The following RUFY1 variants were observed in gnomAD, a reference collection of about 807,000 sequenced individuals.
RUFY1 encodes the protein RUN and FYVE domain-containing protein 1.
RUFY1 carries 54 observed loss-of-function variants against 94.6 expected under a neutral mutation model. That is an observed-to-expected ratio of 0.57 (90% CI 0.46 to 0.72). The LOEUF (loss-of-function observed/expected upper bound fraction) is 0.72, where lower values mean the gene tolerates loss of function less well. RUFY1 is among the 30% of genes least tolerant of loss of function. The pLI, the probability that RUFY1 is intolerant of heterozygous loss-of-function variation, is 0.00. For synonymous variants in RUFY1, 396 were observed against 347.3 expected (o/e 1.14, Z -1.56); for missense variants, 883 against 883.9 (o/e 1.00, Z 0.01).
intron 3 of RUFY1, 22 bp downstream of exon 3, chr5:179,562,686 C>A: frequency 8.1e-7 from 1 of 1,227,014 alleles, no homozygotes; most frequent in Non-Finnish European, 1.2e-6. Context: ...GTAGTTCTGC[C>A]AATTTGATGA....
rs1763677382 is a variant in RUFY1 at position 179,577,158 on chromosome 5, A to ATTTT, written c.890+22_890+23insTTTT. 3.1e-5 allele frequency: 12 copies of ATTTT among 392,396 alleles called. 1 individual carries two copies. The highest frequency in any genetic ancestry group is 2.0e-4 in the South Asian group (5 of 25,120). The allele number at this position is 392,396 out of a possible 1,614,324, so 24.3% of individuals were successfully genotyped here. The stretch of plus-strand genomic sequence containing the variant: ...AGGAGTAAGTACTGCGTTGTATGTC[A>ATTTT]CTTTTTTTTTTTTTTTTTTTTTTTT... On this transcript the variant is annotated intron_variant, in intron 6 of 17. Coordinates refer to ENST00000319449, the MANE Select transcript of RUFY1 (RefSeq NM_025158.5).
intron 10 of RUFY1, among the ~76,000 whole-genome samples, chr5:179,592,133 T>C (rs1158717841): frequency 6.6e-6 from 1 of 151,972 alleles, no homozygotes; most frequent in African/African-American, 2.4e-5. Context: ...TTGGTTTTTT[T>C]TTTGAGACGG....
chr5:179,581,416 G>A (rs1312658402), intron 7 of RUFY1, among the ~76,000 whole-genome samples: 2 of 150,330 alleles, frequency 1.3e-5, no homozygotes, highest in African/African-American at 4.9e-5. Flanking sequence ...ATGTACTAGT[G>A]ATCACCGGCA....
intron 6 of RUFY1, among the ~76,000 whole-genome samples, chr5:179,580,076 A>G (rs1419177817): frequency 6.6e-6 from 1 of 152,048 alleles, no homozygotes; most frequent in East Asian, 1.9e-4. Flanking sequence ...ACTGTGGTAT[A>G]TTTTGCAGAC....
At chr5:179,579,773 C>G (rs955482101) in intron 6 of RUFY1, among the ~76,000 whole-genome samples, 1 of 145,378 alleles carries the variant, frequency 6.9e-6, no homozygotes, top group African/African-American at 2.5e-5. Context: ...AATCAGTTCT[C>G]CTCCTCAGCC....
Position 179,569,403 on chromosome 5 carries a change from A to G in RUFY1, c.806A>G (p.Lys269Arg), listed in dbSNP as rs1040433502. ...LNVLDANLCL[K>R]GEDLDSQVGV... is the part of the protein sequence containing the mutation. Reference sequence around the variant, plus strand: ...GTTCTCGATGCCAATCTCTGCTTGAAAGGAGAAGACTTGGATTCTCAGGTA... The same window carrying G: ...GTTCTCGATGCCAATCTCTGCTTGAGAGGAGAAGACTTGGATTCTCAGGTA... Residue 269 changes from lysine to arginine, a missense_variant, in exon 5 of 18, where the codon AAA becomes AGA. By Grantham distance (26) the Lys-to-Arg change is conservative. Coordinates refer to ENST00000319449, the MANE Select transcript of RUFY1 (RefSeq NM_025158.5). 1 of 1,613,542 alleles carries G rather than the reference A, an allele frequency of 6.2e-7. No individual in the cohort carries two copies. The highest frequency in any genetic ancestry group is 8.5e-7 in the Non-Finnish European group (1 of 1,179,976).
chr5:179,570,996 G>A (rs1455208222), intron 5 of RUFY1, among the ~76,000 whole-genome samples: 1 of 152,136 alleles, frequency 6.6e-6, no homozygotes, highest in African/African-American at 2.4e-5. Context: ...TTTAGAGTGA[G>A]ATGTTCGAAG....
chr5:179,605,179 T>C (rs1166090274), intron 15 of RUFY1, among the ~76,000 whole-genome samples: 1 of 148,378 alleles, frequency 6.7e-6, no homozygotes, highest in African/African-American at 2.5e-5. Flanking sequence ...CTTGGGAGAC[T>C]AAAGTGAGAG....
intron 8 of RUFY1, chr5:179,586,370 C>G: frequency 2.2e-6 from 1 of 456,694 alleles, no homozygotes; most frequent in Non-Finnish European, 4.4e-6. Flanking sequence ...AGGGCTGAGC[C>G]GAGGAAGAGA....
intron 14 of RUFY1, 31 bp from the exon 15 acceptor site, chr5:179,601,861 G>A (rs769395247): frequency 3.7e-6 from 4 of 1,086,676 alleles, no homozygotes; most frequent in Non-Finnish European, 5.6e-6. Flanking sequence ...GTAATCCTCT[G>A]TCCAGCATCT....
intron 9 of RUFY1, among the ~76,000 whole-genome samples, chr5:179,591,223 C>T (rs576475367): frequency 1.3e-5 from 2 of 151,792 alleles, no homozygotes; most frequent in Admixed American, 6.6e-5. Flanking sequence ...CTTGCCCTGT[C>T]GCCCAGGCTG....
At chr5:179,569,276 C>T (rs375335993) in intron 4 of RUFY1, 26 bp from the exon 5 acceptor site, 45 of 1,613,478 alleles carry the variant, frequency 2.8e-5, no homozygotes, top group Middle Eastern at 3.3e-4. Context: ...TTCTGAGCAT[C>T]GCCCTGTCCT....
chr5:179,569,955 A>G (rs1019410069), intron 5 of RUFY1, among the ~76,000 whole-genome samples: 3 of 152,140 alleles, frequency 2.0e-5, no homozygotes, highest in Non-Finnish European at 4.4e-5. Flanking sequence ...CGTGTTAGCC[A>G]GGATGGTTTC....
intron 1 of RUFY1, among the ~76,000 whole-genome samples, chr5:179,551,915 C>T (rs189704629): frequency 4.0e-4 from 60 of 151,758 alleles, no homozygotes; most frequent in Admixed American, 1.8e-3. Flanking sequence ...CCTGTAATCC[C>T]AGCACTTTGG....
In RUFY1 at chr5:179,609,461, G is replaced by A. The variant is rs373401342; in HGVS notation, c.2069G>A (p.Arg690Gln). The stretch of plus-strand genomic sequence containing the variant: ...CTGCCCTCCTACCCCAAGCCGGTGC[G>A]AGTGTGCGACAGCTGCCACACCCTG... ...LALPSYPKPVRVCDSCHTLLL... is the reference protein window; with the variant it reads ...LALPSYPKPVQVCDSCHTLLL... The change falls in exon 18 of 18, where the codon CGA becomes CAA. Residue 690 changes from arginine (R) to glutamine (Q), a missense_variant. Transcript: ENST00000319449. 12 of 1,611,962 alleles carry A rather than the reference G, an allele frequency of 7.4e-6. No individual in the cohort carries two copies. The highest frequency in any genetic ancestry group is 6.7e-5 in the African/African-American group (5 of 74,870).
At chr5:179,556,889 G>GC (rs1308969450) in intron 1 of RUFY1, among the ~76,000 whole-genome samples, 13 of 152,184 alleles carry the variant, frequency 8.5e-5, no homozygotes, top group Non-Finnish European at 1.9e-4. Flanking sequence ...TACTGCTAAA[G>GC]CGTGATAGAA....
chr5:179,596,688 GC>G lies in RUFY1; in HGVS notation c.1631+10del, dbSNP rs1345201652. The G allele has an allele frequency of 1.3e-6, 2 of 1,580,892 alleles. No individual in the cohort carries two copies. Among genetic ancestry groups the G allele is most frequent in the South Asian group, 2.3e-5 (2 of 86,438 alleles). On this transcript the variant is annotated splice_region_variant and intron_variant, in intron 13 of 17. Coordinates refer to ENST00000319449, the MANE Select transcript of RUFY1 (RefSeq NM_025158.5). ...CCCAGCTGCACGAGCAATGGTAGGG[GC>G]CCTGCAGGGAGCCTGGGCTGGGGTG...
intron 8 of RUFY1, chr5:179,586,396 C>T (rs1397376475): frequency 2.2e-6 from 1 of 456,722 alleles, no homozygotes; most frequent in South Asian, 1.5e-5. Context: ...CTGCCAGCTG[C>T]CCGGCAGTCT....
intron 5 of RUFY1, among the ~76,000 whole-genome samples, chr5:179,573,016 AT>A (rs1357712857): frequency 6.6e-6 from 1 of 152,174 alleles, no homozygotes; most frequent in African/African-American, 2.4e-5. Flanking sequence ...CATGTAATAT[AT>A]TTTTTCTACT....
Sources: allele counts gnomAD v4.1 joint callset (sites outside exome capture counted in the v4.1 genomes callset), GRCh38; gene constraint gnomAD v4.1.1; transcripts MANE v1.5; gene names NCBI Gene and HGNC (gene_info 2026-07-23, HGNC 2026-07-21).